LANCL2: variants seen among roughly 807,000 people sequenced by gnomAD.
LANCL2 encodes the protein lanC-like protein 2.
A neutral mutation model predicts 56.9 loss-of-function variants in LANCL2; 33 were observed. That is an observed-to-expected ratio of 0.58 (90% confidence interval 0.44 to 0.78). LANCL2 has a LOEUF of 0.78. Among genes scored for constraint, LANCL2 ranks in the 30% least tolerant of loss-of-function variants. The pLI is 0.00. For missense variants in LANCL2, 562 were observed against 580.2 expected, an observed-to-expected ratio of 0.97 and a Z score of 0.32; for synonymous variants, 233 against 228.2, an observed-to-expected ratio of 1.02 and a Z score of -0.19.
chr7:55,371,644 G>T (rs549746651), intron 1 of LANCL2, among the ~76,000 whole-genome samples: 2 of 152,186 alleles, frequency 1.3e-5, no homozygotes, highest in East Asian at 3.9e-4. Flanking sequence ...ATGTTCTCTT[G>T]TAGGAGTTTT....
At chr7:55,414,981 C>A (rs1790509649) in intron 6 of LANCL2, among the ~76,000 whole-genome samples, 1 of 41,138 alleles carries the variant, frequency 2.4e-5, no homozygotes. Context: ...AAGACCCTAC[C>A]TCAAAAAAAA....
chr7:55,432,173 A>C lies in LANCL2; in HGVS notation c.*853A>C, dbSNP rs138126124. On this transcript the variant is annotated 3_prime_UTR_variant, in exon 9 of 9. Coordinates refer to ENST00000254770, the MANE Select transcript of LANCL2 (RefSeq NM_018697.4). Reference sequence around the variant, plus strand: ...GGCTCCACCTCAGTTTATCAACATTATAAGTTACTGTTCTAAGAAAAGTAA... The same window carrying C: ...GGCTCCACCTCAGTTTATCAACATTCTAAGTTACTGTTCTAAGAAAAGTAA... 456 of 152,382 alleles carry C rather than the reference A, an allele frequency of 3.0e-3. 5 individuals carry two copies. The highest frequency in any genetic ancestry group is 0.01 in the African/African-American group (428 of 41,600). 9.4% of individuals were successfully genotyped at this position (152,382 alleles called of 1,614,324 possible).
intron 6 of LANCL2, among the ~76,000 whole-genome samples, chr7:55,420,106 A>G (rs923796843): frequency 1.3e-5 from 2 of 152,154 alleles, no homozygotes; most frequent in Non-Finnish European, 2.9e-5. Context: ...ATTTCTTTCT[A>G]TGGACTTTAG....
intron 5 of LANCL2, among the ~76,000 whole-genome samples, chr7:55,402,870 C>T (rs1790357101): frequency 6.7e-6 from 1 of 150,124 alleles, no homozygotes; most frequent in Non-Finnish European, 1.5e-5. Context: ...CTCCCCACAT[C>T]TCAGACGATG....
At chr7:55,373,199 CACTTA>C (rs1035143543) in intron 1 of LANCL2, among the ~76,000 whole-genome samples, 19 of 147,098 alleles carry the variant, frequency 1.3e-4, no homozygotes, top group Admixed American at 5.4e-4. Flanking sequence ...TTCTTTTTCC[CACTTA>C]ACTTTACTGC....
intron 5 of LANCL2, among the ~76,000 whole-genome samples, chr7:55,410,110 G>C (rs1790455067): frequency 6.6e-6 from 1 of 152,160 alleles, no homozygotes; most frequent in African/African-American, 2.4e-5. Context: ...AAATACTGTG[G>C]TAATATGAAT....
intron 5 of LANCL2, among the ~76,000 whole-genome samples, chr7:55,408,758 T>TCC (rs1175704499): frequency 6.6e-6 from 1 of 151,596 alleles, no homozygotes; most frequent in Non-Finnish European, 1.5e-5. Context: ...GACAGACAAA[T>TCC]CCACATCATG....
intron 2 of LANCL2, among the ~76,000 whole-genome samples, chr7:55,395,414 G>A (rs552492922): frequency 6.6e-6 from 1 of 152,104 alleles, no homozygotes; most frequent in African/African-American, 2.4e-5. Context: ...AAGAGCATGT[G>A]AAATAAGAAT....
rs1224875452 is a variant in LANCL2 at position 55,431,135 on chromosome 7, TG to T, written c.1259-90del. 8 of 880,464 alleles carry T rather than the reference TG, an allele frequency of 9.1e-6. No individual in the cohort carries two copies. The African/African-American group carries it at 1.4e-4, about 15-fold the overall frequency. 54.5% of individuals were successfully genotyped at this position (880,464 alleles called of 1,614,324 possible). A position where few individuals can be genotyped will look rare whatever the true frequency, so the allele number is the denominator to read the frequency against. On this transcript the variant is annotated intron_variant, in intron 8 of 8. Transcript: ENST00000254770. ...GTCCTCAGCACCTTTCCCACATGCT[TG>T]CAGCCCCTGGTAAGGGAAATGATTA...
At chr7:55,389,022 C>T (rs916785656) in intron 1 of LANCL2, among the ~76,000 whole-genome samples, 1 of 152,222 alleles carries the variant, frequency 6.6e-6, no homozygotes, top group Non-Finnish European at 1.5e-5. Context: ...CCTGCCTGTG[C>T]TTCTTGTTTG....
chr7:55,397,474 A>AG (rs1232088495), intron 2 of LANCL2, among the ~76,000 whole-genome samples: 23 of 148,082 alleles, frequency 1.6e-4, no homozygotes, highest in Non-Finnish European at 2.5e-4. Flanking sequence ...AAAAAAAAAA[A>AG]AAAAAAGCAA....
intron 2 of LANCL2, among the ~76,000 whole-genome samples, chr7:55,394,464 G>T (rs1790226399): frequency 6.6e-6 from 1 of 152,194 alleles, no homozygotes; most frequent in African/African-American, 2.4e-5. Context: ...GGAGGCTGAG[G>T]CAGGAGGATG....
chr7:55,376,045 A>T (rs1435455379), intron 1 of LANCL2, among the ~76,000 whole-genome samples: 1 of 152,126 alleles, frequency 6.6e-6, no homozygotes, highest in Non-Finnish European at 1.5e-5. Flanking sequence ...CCGCTTGGAT[A>T]ATCCAGCATC....
intron 2 of LANCL2, 42 bp downstream of exon 2, chr7:55,391,952 A>G (rs368276223): frequency 2.7e-6 from 3 of 1,094,596 alleles, no homozygotes; most frequent in African/African-American, 3.1e-5. Context: ...TTTTATTCTT[A>G]GATTATGAGA....
chr7:55,401,021 T>C (rs1381567902), intron 4 of LANCL2, among the ~76,000 whole-genome samples, 153 bp from the exon 5 acceptor site: 2 of 152,218 alleles, frequency 1.3e-5, no homozygotes, highest in Admixed American at 6.5e-5. Context: ...AAAATAAATA[T>C]AACTATATTA....
chr7:55,422,205 T>C (rs141412556), intron 6 of LANCL2, among the ~76,000 whole-genome samples: 185 of 152,372 alleles, frequency 1.2e-3, no homozygotes, highest in African/African-American at 4.3e-3. Context: ...TTTTACTTAG[T>C]ATAGGTTTAG....
chr7:55,404,999 G>T (rs1421214617), intron 5 of LANCL2, among the ~76,000 whole-genome samples: 3 of 152,316 alleles, frequency 2.0e-5, no homozygotes, highest in African/African-American at 7.2e-5. Context: ...TTTTGTGTAT[G>T]TGTTAGGGTT....
intron 1 of LANCL2, among the ~76,000 whole-genome samples, chr7:55,366,559 C>A (rs1241953176): frequency 6.6e-6 from 1 of 152,164 alleles, no homozygotes; most frequent in East Asian, 1.9e-4. Context: ...CCCGCCCCTG[C>A]GCGGCGGAGC....
intron 7 of LANCL2, among the ~76,000 whole-genome samples, chr7:55,426,183 G>A (rs1034749113): frequency 3.9e-5 from 6 of 152,214 alleles, no homozygotes; most frequent in African/African-American, 1.2e-4. Context: ...TTTCTTGAGT[G>A]TGTAGGCTGG....
Sources: gnomAD v4.1 joint callset for allele counts (sites outside exome capture counted in the v4.1 genomes callset) on GRCh38, gnomAD v4.1.1 for gene constraint, MANE v1.5 for transcripts, NCBI Gene and HGNC (gene_info 2026-07-23, HGNC 2026-07-21) for gene names.